Variants in SPIDR observed in about 807,000 individuals in gnomAD.
SPIDR encodes the protein scaffold protein involved in DNA repair, also known as DNA repair-scaffolding protein.
In SPIDR, 93 loss-of-function variants were observed where a neutral mutation model predicts 104.6. That is an observed-to-expected ratio of 0.89 (90% confidence interval 0.75 to 1.06). The LOEUF is 1.06. Among genes scored for constraint, SPIDR ranks in the 50% least tolerant of loss-of-function variants. SPIDR has a pLI of 0.00. For synonymous variants in SPIDR, 431 were observed against 416.9 expected (o/e 1.03, Z -0.41); for missense variants, 1,154 against 1,111.2 (o/e 1.04, Z -0.55).
intron 8 of SPIDR, among the ~76,000 whole-genome samples, chr8:47,457,810 G>A (rs1208922178): frequency 6.6e-6 from 1 of 152,058 alleles, no homozygotes; most frequent in Non-Finnish European, 1.5e-5. Context: ...TCTTACATTT[G>A]GCTTGCCAGT....
intron 3 of SPIDR, among the ~76,000 whole-genome samples, chr8:47,287,135 A>C (rs1194510490): frequency 2.6e-5 from 4 of 152,170 alleles, no homozygotes; most frequent in African/African-American, 9.7e-5. Context: ...TAAGGACTTC[A>C]AAAGGGGAGG....
At chr8:47,571,717 A>G (rs963249686) in intron 8 of SPIDR, among the ~76,000 whole-genome samples, 4 of 152,214 alleles carry the variant, frequency 2.6e-5, no homozygotes, top group African/African-American at 9.6e-5. Flanking sequence ...GTTTTTGCCT[A>G]TGCATACATA....
intron 5 of SPIDR, among the ~76,000 whole-genome samples, chr8:47,384,768 C>A (rs1016418157): frequency 6.6e-6 from 1 of 152,192 alleles, no homozygotes; most frequent in African/African-American, 2.4e-5. Context: ...AGATCCTCTG[C>A]TAAAAAATTC....
At chr8:47,605,302 G>C (rs1373792620) in intron 10 of SPIDR, among the ~76,000 whole-genome samples, 1 of 152,192 alleles carries the variant, frequency 6.6e-6, no homozygotes, top group Non-Finnish European at 1.5e-5. Flanking sequence ...CTGAAAATCT[G>C]TGCCCCAGAT....
At chr8:47,583,562 C>A (rs1255859795) in intron 8 of SPIDR, among the ~76,000 whole-genome samples, 2 of 152,044 alleles carry the variant, frequency 1.3e-5, no homozygotes, top group South Asian at 4.1e-4. Flanking sequence ...GGCCACACCA[C>A]GTGGTGTTGG....
At chr8:47,493,765 T>G (rs2079065722) in intron 8 of SPIDR, among the ~76,000 whole-genome samples, 1 of 152,198 alleles carries the variant, frequency 6.6e-6, no homozygotes, top group Non-Finnish European at 1.5e-5. Context: ...ATCCAGGAGT[T>G]GATAGATTTT....
At chr8:47,359,278 T>A (rs918822939) in intron 5 of SPIDR, among the ~76,000 whole-genome samples, 22 of 151,960 alleles carry the variant, frequency 1.4e-4, no homozygotes, top group African/African-American at 4.1e-4. Flanking sequence ...AGTTTTTTTT[T>A]AACAAATTTT....
chr8:47,614,600 G>A (rs2064040700), intron 10 of SPIDR, among the ~76,000 whole-genome samples: 1 of 152,158 alleles, frequency 6.6e-6, no homozygotes, highest in Admixed American at 6.5e-5. Flanking sequence ...TATCATTGGT[G>A]GGCATTTGGG....
chr8:47,363,177 A>C (rs2056434588), intron 5 of SPIDR, among the ~76,000 whole-genome samples: 1 of 149,258 alleles, frequency 6.7e-6, no homozygotes, highest in African/African-American at 2.5e-5. Flanking sequence ...TAGAAATTAA[A>C]GCTGTTTTTT....
intron 10 of SPIDR, among the ~76,000 whole-genome samples, chr8:47,624,802 A>T (rs1208795943): frequency 6.6e-6 from 1 of 152,254 alleles, no homozygotes. Context: ...GAATTCTACC[A>T]GAGGTACAAG....
chr8:47,276,675 T>C (rs1157152361), intron 1 of SPIDR, among the ~76,000 whole-genome samples: 1 of 152,208 alleles, frequency 6.6e-6, no homozygotes, highest in Non-Finnish European at 1.5e-5. Context: ...TGGATAACTC[T>C]ATAAGGCTGC....
intron 8 of SPIDR, among the ~76,000 whole-genome samples, chr8:47,551,286 A>G (rs528494786): frequency 6.6e-6 from 1 of 152,308 alleles, no homozygotes; most frequent in South Asian, 2.1e-4. Flanking sequence ...TGGCCTCATA[A>G]TATGAGTTAG....
intron 1 of SPIDR, among the ~76,000 whole-genome samples, chr8:47,266,894 C>T (rs890233731): frequency 6.6e-6 from 1 of 152,102 alleles, no homozygotes; most frequent in African/African-American, 2.4e-5. Context: ...TCAGTCACTC[C>T]CCATTCTCTC....
chr8:47,422,020 C>G (rs1434656716), intron 7 of SPIDR, among the ~76,000 whole-genome samples: 2 of 152,194 alleles, frequency 1.3e-5, no homozygotes, highest in Non-Finnish European at 2.9e-5. Flanking sequence ...TCTGCCCCTA[C>G]TCAGGGGTGC....
intron 10 of SPIDR, among the ~76,000 whole-genome samples, chr8:47,646,316 T>A (rs529040662): frequency 3.3e-5 from 5 of 152,052 alleles, no homozygotes; most frequent in African/African-American, 7.2e-5. Flanking sequence ...GGAGGGAGAG[T>A]ACATTGTCAC....
chr8:47,660,202 C>CA (rs2073881909), intron 10 of SPIDR, among the ~76,000 whole-genome samples: 1 of 152,118 alleles, frequency 6.6e-6, no homozygotes, highest in African/African-American at 2.4e-5. Flanking sequence ...GTTGCCTTTA[C>CA]AGATAAACAA....
intron 8 of SPIDR, among the ~76,000 whole-genome samples, chr8:47,508,085 C>T (rs2081749758): frequency 6.6e-6 from 1 of 152,216 alleles, no homozygotes; most frequent in Non-Finnish European, 1.5e-5. Flanking sequence ...GTTCTCTGCC[C>T]TCCTGCAAAT....
chr8:47,401,764 A>G (rs2061928923), intron 6 of SPIDR, among the ~76,000 whole-genome samples: 1 of 152,282 alleles, frequency 6.6e-6, no homozygotes, highest in Non-Finnish European at 1.5e-5. Context: ...TAAAGGGATC[A>G]ATTCAACAAG....
chr8:47,735,120 GT>G (rs2086053780), intron 19 of SPIDR, among the ~76,000 whole-genome samples, 186 bp from the exon 20 acceptor site: 5 of 147,354 alleles, frequency 3.4e-5, no homozygotes, highest in Non-Finnish European at 7.5e-5. Context: ...GGGTGTGTGT[GT>G]GTGTGTGTGT....
Sources: allele counts gnomAD v4.1 joint callset (sites outside exome capture counted in the v4.1 genomes callset), GRCh38; gene constraint gnomAD v4.1.1; transcripts MANE v1.5; gene names NCBI Gene and HGNC (gene_info 2026-07-23, HGNC 2026-07-21).